The following PCDHGA3 variants were observed in gnomAD, a reference collection of about 807,000 sequenced individuals.
PCDHGA3 encodes protocadherin gamma-A3.
PCDHGA3 carries 40 observed loss-of-function variants against 58.5 expected under a neutral mutation model. That is an observed-to-expected ratio of 0.68 (90% confidence interval 0.53 to 0.89). PCDHGA3 has a LOEUF of 0.89. Among genes scored for constraint, PCDHGA3 ranks in the 40% least tolerant of loss-of-function variants. PCDHGA3 has a pLI of 0.00. For synonymous variants in PCDHGA3, 530 were observed against 525.7 expected (o/e 1.01, Z -0.11); for missense variants, 1,223 against 1,195.9 (o/e 1.02, Z -0.33).
At chr5:141,460,849 G>A (rs908955373) in intron 1 of PCDHGA3, among the ~76,000 whole-genome samples, 1 of 150,224 alleles carries the variant, frequency 6.7e-6, no homozygotes, top group Non-Finnish European at 1.5e-5. Flanking sequence ...CCTCCAGTTC[G>A]ATCCAAGTTG....
intron 1 of PCDHGA3, among the ~76,000 whole-genome samples, chr5:141,433,752 G>A (rs975941520): frequency 6.6e-6 from 1 of 151,206 alleles, no homozygotes; most frequent in Non-Finnish European, 1.5e-5. Context: ...CAGGAGAATT[G>A]CTTTAACCTG....
intron 1 of PCDHGA3, chr5:141,399,620 C>T: frequency 6.2e-7 from 1 of 1,613,940 alleles, no homozygotes; most frequent in Non-Finnish European, 8.5e-7. Flanking sequence ...CTGGCACTGG[C>T]CTCTTACGTG....
chr5:141,486,409 C>G lies in PCDHGA3; in HGVS notation c.2425-8398C>G, dbSNP rs1396288134. On this transcript the variant is annotated intron_variant, in intron 1 of 3. Coordinates refer to ENST00000253812, the MANE Select transcript of PCDHGA3 (RefSeq NM_018916.4). The surrounding 1 kb of genome is among the most constrained non-coding windows in gnomAD (Gnocchi z 5.0). Reference sequence around the variant, plus strand: ...AGTTCTCCCTGGTGACTGCTGGACCCTTGGATCGAGAGGCCAAATCTAGCT... The same window carrying G: ...AGTTCTCCCTGGTGACTGCTGGACCGTTGGATCGAGAGGCCAAATCTAGCT... 6.2e-7 allele frequency: 1 copy of G among 1,614,170 alleles called. No individual in the cohort carries two copies. Among genetic ancestry groups the G allele is most frequent in the East Asian group, 2.2e-5 (1 of 44,874 alleles).
intron 1 of PCDHGA3, chr5:141,374,833 T>A (rs761729063): frequency 6.2e-7 from 1 of 1,613,930 alleles, no homozygotes; most frequent in East Asian, 2.2e-5. Context: ...ACCGTGTAAG[T>A]GTTCCTGAAA....
intron 1 of PCDHGA3, chr5:141,361,423 C>T (rs760185392): frequency 2.5e-6 from 4 of 1,613,938 alleles, no homozygotes; most frequent in South Asian, 2.2e-5. Context: ...CGGGGGCAAG[C>T]CGCCCCTCTC....
At chr5:141,376,316 G>A (rs1178295234) in intron 1 of PCDHGA3, 2 of 1,614,224 alleles carry the variant, frequency 1.2e-6, no homozygotes, top group Non-Finnish European at 1.7e-6. Flanking sequence ...GGGCGTGGAA[G>A]GGGTTCGGGC....
intron 1 of PCDHGA3, among the ~76,000 whole-genome samples, chr5:141,481,710 T>C (rs1447483213): frequency 6.6e-6 from 1 of 151,556 alleles, no homozygotes; most frequent in Non-Finnish European, 1.5e-5. Context: ...TCCCAGCACT[T>C]TGGGAGGCGG....
At chr5:141,421,370 A>G (rs765775416) in intron 1 of PCDHGA3, 4 of 1,613,916 alleles carry the variant, frequency 2.5e-6, no homozygotes, top group African/African-American at 1.3e-5. Flanking sequence ...TTCGTGGGCA[A>G]TATCTCCAAG....
chr5:141,356,422 A>G (rs1310371925), intron 1 of PCDHGA3: 1 of 1,606,490 alleles, frequency 6.2e-7, no homozygotes, highest in Non-Finnish European at 8.5e-7. Context: ...GTTGACACAC[A>G]GAACACTGGA....
chr5:141,501,288 TATACACAC>T (rs1482707793), intron 2 of PCDHGA3, among the ~76,000 whole-genome samples: 1 of 81,228 alleles, frequency 1.2e-5, no homozygotes, highest in African/African-American at 4.9e-5. Flanking sequence ...GATATTCCCT[TATACACAC>T]ACACACACAC....
chr5:141,397,372 G>A (rs1014875277), intron 1 of PCDHGA3, among the ~76,000 whole-genome samples: 3 of 152,012 alleles, frequency 2.0e-5, no homozygotes, highest in Admixed American at 6.6e-5. Context: ...AGATGTTTGG[G>A]GATTGGTATA....
At chr5:141,366,528 C>T (rs777450935) in intron 1 of PCDHGA3, 3 of 1,614,208 alleles carry the variant, frequency 1.9e-6, no homozygotes, top group Non-Finnish European at 2.5e-6. Context: ...AGCAGGTTGG[C>T]GGGTGTGCCC....
At chr5:141,366,418 A>C (rs371439517) in intron 1 of PCDHGA3, 1 of 1,614,106 alleles carries the variant, frequency 6.2e-7, no homozygotes, top group East Asian at 2.2e-5. Context: ...TTGTGGTGGC[A>C]GTGGCTGCAG....
At chr5:141,355,249 T>G in intron 1 of PCDHGA3, 1 of 1,613,288 alleles carries the variant, frequency 6.2e-7, no homozygotes, top group Non-Finnish European at 8.5e-7. Context: ...GCTCCAGATC[T>G]GCCTTCTCCT....
At chr5:141,384,071 C>G in intron 1 of PCDHGA3, 2 of 1,603,192 alleles carry the variant, frequency 1.2e-6, no homozygotes, top group Non-Finnish European at 1.7e-6. Flanking sequence ...GAAAACCTAC[C>G]TTTTAAATTA....
chr5:141,441,609 A>G (rs922588350), intron 1 of PCDHGA3: 2 of 218,734 alleles, frequency 9.1e-6, no homozygotes, highest in South Asian at 5.5e-5. Context: ...TCCCTATTCC[A>G]TCGTGGCCAG....
intron 1 of PCDHGA3, among the ~76,000 whole-genome samples, chr5:141,354,668 G>A (rs1759606143): frequency 6.6e-6 from 1 of 152,128 alleles, no homozygotes; most frequent in African/African-American, 2.4e-5. Context: ...TTGTCTTTAG[G>A]AGAGATAATT....
intron 1 of PCDHGA3, chr5:141,362,509 A>G: frequency 6.2e-7 from 1 of 1,614,038 alleles, no homozygotes; most frequent in African/African-American, 1.3e-5. Flanking sequence ...ACAAAATACA[A>G]ATCATGGAGC....
chr5:141,397,092 G>A (rs1422724446), intron 1 of PCDHGA3, among the ~76,000 whole-genome samples: 3 of 152,136 alleles, frequency 2.0e-5, no homozygotes, highest in South Asian at 2.1e-4. Flanking sequence ...ATTTCAGATA[G>A]GATAATAATG....
Sources: gnomAD v4.1 joint callset for allele counts (sites outside exome capture counted in the v4.1 genomes callset) on GRCh38, gnomAD v4.1.1 for gene constraint, Gnocchi (gnomAD v3.1) non-coding constraint, MANE v1.5 for transcripts, NCBI Gene and HGNC (gene_info 2026-07-23, HGNC 2026-07-21) for gene names.